The following PTPRG variants were observed in gnomAD, a reference collection of about 807,000 sequenced individuals.
PTPRG encodes the protein receptor-type tyrosine-protein phosphatase gamma.
In PTPRG, 102 loss-of-function variants were observed where a neutral mutation model predicts 165.3. The ratio of observed to expected loss-of-function variants is 0.62; its 90% CI spans 0.53 to 0.73. The LOEUF (loss-of-function observed/expected upper bound fraction) is 0.73. Ranked by LOEUF, PTPRG falls within the 30% of genes least tolerant of loss-of-function variation. The pLI, the probability that PTPRG is intolerant of heterozygous loss-of-function variation, is 0.00. For missense variants in PTPRG, 1,866 were observed against 1,861.4 expected (o/e 1.00, Z -0.05); for synonymous variants, 675 against 669.5 (o/e 1.01, Z -0.13).
chr3:61,992,469 C>T (rs759264474), intron 3 of PTPRG, among the ~76,000 whole-genome samples: 9 of 152,268 alleles, frequency 5.9e-5, no homozygotes, highest in East Asian at 1.9e-4. Context: ...AAGCAGTTTC[C>T]GTGCCTCATC....
chr3:61,880,376 T>G (rs1254282423), intron 2 of PTPRG, among the ~76,000 whole-genome samples: 1 of 152,168 alleles, frequency 6.6e-6, no homozygotes, highest in East Asian at 1.9e-4. Flanking sequence ...TCCCAGAACT[T>G]CGGGAGACCA....
chr3:62,102,817 A>G (rs1422652705), intron 5 of PTPRG, among the ~76,000 whole-genome samples: 2 of 152,208 alleles, frequency 1.3e-5, no homozygotes, highest in Admixed American at 6.5e-5. Context: ...AAAGAAGTGT[A>G]TTGTGCTGAA....
Position 61,638,591 on chromosome 3 carries a change from GTTTTTTTTTT to G in PTPRG, c.85+76237_85+76246del, listed in dbSNP as rs34396141. On this transcript the variant is annotated intron_variant, in intron 1 of 29. Transcript: ENST00000474889. ...AGGCACACACCACCATGCCTGGCTA[GTTTTTTTTTT>G]TTTTTTTTTTTTTTTTTGGGGTAGA... Among the ~76,000 whole-genome samples the G allele has an allele frequency of 2.7e-4, 16 of 58,716 alleles. 3 individuals are homozygous for G. The South Asian group carries it at 7.5e-3, about 28-fold the overall frequency. The allele number at this position is 58,716 out of a possible 152,430, so 38.5% of individuals were successfully genotyped here.
chr3:62,054,429 A>G (rs1047898262), intron 4 of PTPRG, among the ~76,000 whole-genome samples: 17 of 152,180 alleles, frequency 1.1e-4, no homozygotes, highest in Non-Finnish European at 2.4e-4. Context: ...TCCATTTGTA[A>G]GGATCAATTT....
At chr3:61,656,514 A>T (rs1185180132) in intron 1 of PTPRG, among the ~76,000 whole-genome samples, 3 of 152,266 alleles carry the variant, frequency 2.0e-5, no homozygotes, top group Admixed American at 6.5e-5. Flanking sequence ...CTGAGTTACC[A>T]GTGCCAATTA....
At chr3:61,863,871 A>C in intron 2 of PTPRG, among the ~76,000 whole-genome samples, 1 of 152,192 alleles carries the variant, frequency 6.6e-6, no homozygotes, top group East Asian at 1.9e-4. Flanking sequence ...TGAGGGAATG[A>C]CCTAGTATGA....
intron 12 of PTPRG, among the ~76,000 whole-genome samples, chr3:62,208,991 C>G (rs529649302): frequency 2.6e-5 from 4 of 152,348 alleles, no homozygotes; most frequent in African/African-American, 9.6e-5. Flanking sequence ...AATATGGGCT[C>G]TGACTCTATA....
intron 2 of PTPRG, among the ~76,000 whole-genome samples, chr3:61,792,918 G>A (rs2034931461): frequency 6.6e-6 from 1 of 151,964 alleles, no homozygotes; most frequent in African/African-American, 2.4e-5. Flanking sequence ...CAGTGGAGTT[G>A]GGGTTTCACC....
At chr3:61,942,023 G>A (rs991439896) in intron 2 of PTPRG, among the ~76,000 whole-genome samples, 2 of 152,012 alleles carry the variant, frequency 1.3e-5, no homozygotes, top group Non-Finnish European at 1.5e-5. Flanking sequence ...AGCCAGGCGC[G>A]GTGGCAGGCA....
intron 1 of PTPRG, among the ~76,000 whole-genome samples, chr3:61,722,914 T>C (rs931389686): frequency 6.6e-6 from 1 of 152,150 alleles, no homozygotes; most frequent in Non-Finnish European, 1.5e-5. Context: ...AGTAATGTTT[T>C]AATTTGAATG....
intron 4 of PTPRG, among the ~76,000 whole-genome samples, chr3:62,074,086 T>A (rs1701295216): frequency 6.6e-6 from 1 of 152,164 alleles, no homozygotes; most frequent in South Asian, 2.1e-4. Context: ...TAAGAGAATG[T>A]CCTTATTCTT....
chr3:62,038,216 G>T (rs906515789), intron 4 of PTPRG, among the ~76,000 whole-genome samples: 8 of 152,122 alleles, frequency 5.3e-5, no homozygotes, highest in Non-Finnish European at 8.8e-5. Context: ...TTTTTATCAG[G>T]AAACTAATTT....
At chr3:62,159,920 G>A (rs1024402247) in intron 7 of PTPRG, among the ~76,000 whole-genome samples, 4 of 152,116 alleles carry the variant, frequency 2.6e-5, no homozygotes, top group Non-Finnish European at 5.9e-5. Flanking sequence ...GAAAGCATTC[G>A]CCATCCAAGT....
At chr3:61,948,517 G>T (rs1340173538) in intron 2 of PTPRG, among the ~76,000 whole-genome samples, 1 of 152,116 alleles carries the variant, frequency 6.6e-6, no homozygotes, top group African/African-American at 2.4e-5. Context: ...CTAGTGTTAT[G>T]GGGGGCGGTC....
At chr3:62,180,118 C>A (rs1705589542) in intron 8 of PTPRG, among the ~76,000 whole-genome samples, 1 of 152,174 alleles carries the variant, frequency 6.6e-6, no homozygotes, top group Admixed American at 6.5e-5. Context: ...TAACCATTTG[C>A]ATCATAATAA....
intron 1 of PTPRG, among the ~76,000 whole-genome samples, chr3:61,613,998 G>T (rs1437707491): frequency 6.6e-6 from 1 of 152,126 alleles, no homozygotes; most frequent in African/African-American, 2.4e-5. Flanking sequence ...TATTGACTTG[G>T]TGAGCTACCA....
chr3:62,129,993 A>T, intron 5 of PTPRG, among the ~76,000 whole-genome samples: 1 of 152,278 alleles, frequency 6.6e-6, no homozygotes, highest in East Asian at 1.9e-4. Flanking sequence ...CTCATTTTTT[A>T]CCTTTGCATA....
intron 2 of PTPRG, among the ~76,000 whole-genome samples, chr3:61,895,781 CTT>C (rs1298886758): frequency 6.6e-6 from 1 of 152,192 alleles, no homozygotes; most frequent in Non-Finnish European, 1.5e-5. Flanking sequence ...AGTTGGTTCT[CTT>C]TAAAAATTTG....
chr3:62,066,637 T>G (rs1014099298), intron 4 of PTPRG, among the ~76,000 whole-genome samples: 3 of 152,174 alleles, frequency 2.0e-5, no homozygotes, highest in Non-Finnish European at 4.4e-5. Context: ...AGAACCAGCT[T>G]TATACATAGA....
Sources: gnomAD v4.1 joint callset for allele counts (sites outside exome capture counted in the v4.1 genomes callset) on GRCh38, gnomAD v4.1.1 for gene constraint, MANE v1.5 for transcripts, NCBI Gene and HGNC (gene_info 2026-07-23, HGNC 2026-07-21) for gene names.